The following TXNRD2 variants were observed in gnomAD, a reference collection of about 807,000 sequenced individuals.
TXNRD2 encodes thioredoxin reductase 2, mitochondrial.
Under a neutral mutation model 70.8 loss-of-function variants are expected in TXNRD2, and 67 were observed. That is an observed-to-expected ratio of 0.95 (90% confidence interval 0.78 to 1.16). The LOEUF (loss-of-function observed/expected upper bound fraction) is 1.16. Ranked by LOEUF, TXNRD2 falls within the 50% of genes most tolerant of loss-of-function variation. TXNRD2 has a pLI of 0.00. For missense variants in TXNRD2, 644 were observed against 719.9 expected (o/e 0.89, Z 1.21); for synonymous variants, 301 against 295.8 (o/e 1.02, Z -0.18).
At chr22:19,929,918 G>A (rs115871532) in intron 2 of TXNRD2, among the ~76,000 whole-genome samples, 82 of 152,268 alleles carry the variant, frequency 5.4e-4, no homozygotes, top group African/African-American at 1.8e-3. Context: ...CATGAAAGGC[G>A]GAGACATACC....
intron 9 of TXNRD2, 53 bp downstream of exon 9, chr22:19,898,996 G>A: frequency 6.2e-7 from 1 of 1,601,862 alleles, no homozygotes; most frequent in Non-Finnish European, 8.5e-7. Context: ...AGGGACTCAA[G>A]GGAAGGAGTG....
chr22:19,880,768 G>T, intron 12 of TXNRD2, 51 bp from the exon 13 acceptor site: 1 of 1,356,526 alleles, frequency 7.4e-7, no homozygotes, highest in Non-Finnish European at 1.0e-6. Flanking sequence ...GGGGTTATAT[G>T]CAGCCCCTAT....
chr22:19,929,776 A>G (rs1407305969), intron 2 of TXNRD2, among the ~76,000 whole-genome samples: 3 of 152,162 alleles, frequency 2.0e-5, no homozygotes, highest in Admixed American at 1.3e-4. Context: ...CACACTCGCC[A>G]ATCTTGACTG....
chr22:19,936,001 C>T (rs527898362), intron 1 of TXNRD2, among the ~76,000 whole-genome samples: 18 of 152,150 alleles, frequency 1.2e-4, no homozygotes, highest in East Asian at 1.9e-4. Context: ...TGGGGGAGTT[C>T]GGGTTCCCAT....
intron 7 of TXNRD2, among the ~76,000 whole-genome samples, chr22:19,913,810 T>C (rs1042261587): frequency 6.6e-6 from 1 of 151,320 alleles, no homozygotes; most frequent in African/African-American, 2.5e-5. Context: ...GCCTGTTGAG[T>C]GTGGAAGGCA....
At chr22:19,890,486 G>A (rs9617844) in intron 11 of TXNRD2, among the ~76,000 whole-genome samples, 3,925 of 152,232 alleles carry the variant, frequency 0.026, 167 homozygotes, top group African/African-American at 0.088. Flanking sequence ...CATCCCCACC[G>A]GGAAGAGCAT....
chr22:19,893,263 C>T lies in TXNRD2; in HGVS notation c.949+2144G>A, dbSNP rs537414704. 1.1e-4 allele frequency among the ~76,000 whole-genome samples: 17 copies of T among 152,266 alleles called. 2 individuals carry two copies. The South Asian group carries it at 3.3e-3, about 30-fold the overall frequency. On this transcript the variant is annotated intron_variant, in intron 11 of 17. Coordinates refer to ENST00000400521, the MANE Select transcript of TXNRD2 (RefSeq NM_006440.5). ...GACCCTGGCTCTGATCTTGGGCTCT[C>T]GCAGGGGACAACGGACCAGGCTCAG...
Position 19,918,875 on chromosome 22 carries a change from G to C in TXNRD2, c.359C>G (p.Pro120Arg). 1 of 1,609,960 alleles carries C rather than the reference G, an allele frequency of 6.2e-7. No homozygotes were observed. Among genetic ancestry groups the C allele is most frequent in the Non-Finnish European group, 8.5e-7 (1 of 1,179,872 alleles). ...APNYGWEVAQ[P>R]VPHDWRKMAE... ...AGATCCTTACCAGTCATGCGGCACGGGCTGGGCCACCTCCCAGCCATAGTT... is the reference window on the plus strand; with the variant it reads ...AGATCCTTACCAGTCATGCGGCACGCGCTGGGCCACCTCCCAGCCATAGTT... Residue 120 changes from proline to arginine, a missense_variant, in exon 4 of 18, where the codon CCC becomes CGC. Transcript: ENST00000400521.
chr22:19,928,760 A>C (rs1003487164), intron 2 of TXNRD2, among the ~76,000 whole-genome samples: 1 of 152,158 alleles, frequency 6.6e-6, no homozygotes, highest in Non-Finnish European at 1.5e-5. Flanking sequence ...TAATCCCAGA[A>C]CTTTGGGAGG....
chr22:19,909,764 C>A (rs1940275313), intron 8 of TXNRD2, among the ~76,000 whole-genome samples: 1 of 128,828 alleles, frequency 7.8e-6, no homozygotes, highest in Admixed American at 7.8e-5. Context: ...ACACCCTTCA[C>A]ACACACACAC....
chr22:19,915,649 T>G, intron 6 of TXNRD2, 116 bp downstream of exon 6: 1 of 951,924 alleles, frequency 1.1e-6, no homozygotes, highest in Non-Finnish European at 1.7e-6. Flanking sequence ...GCCACCTTTT[T>G]GATTCCAGCA....
chr22:19,884,036 C>T (rs1938913039), intron 11 of TXNRD2: 2 of 154,904 alleles, frequency 1.3e-5, no homozygotes, highest in Admixed American at 1.3e-4. Context: ...CACCCGTAAT[C>T]CCAGCTACTT....
In TXNRD2 at chr22:19,927,996, G is replaced by A. The variant is rs995189138; in HGVS notation, c.172+3034C>T. 3.9e-5 allele frequency among the ~76,000 whole-genome samples: 6 copies of A among 152,122 alleles called. No individual in the cohort carries two copies. The East Asian group carries it at 9.7e-4, about 25-fold the overall frequency. ...CATTGAAAACCACAGGCCAGGCACC[G>A]TGGCTCATTCCTGTAATCCCAACGT... On this transcript the variant is annotated intron_variant, in intron 2 of 17. Transcript: ENST00000400521.
chr22:19,922,075 C>T (rs1940939209), intron 2 of TXNRD2, among the ~76,000 whole-genome samples: 1 of 152,056 alleles, frequency 6.6e-6, no homozygotes, highest in African/African-American at 2.4e-5. Context: ...ATGCCCAGAA[C>T]CCAACAAGGT....
At chr22:19,880,561 A>G in intron 13 of TXNRD2, 61 bp downstream of exon 13, 2 of 1,502,794 alleles carry the variant, frequency 1.3e-6, no homozygotes, top group Non-Finnish European at 1.9e-6. Context: ...TCACCCCAGA[A>G]GAGCTAGCCT....
chr22:19,892,812 T>C (rs1433480486), intron 11 of TXNRD2, among the ~76,000 whole-genome samples: 1 of 152,102 alleles, frequency 6.6e-6, no homozygotes, highest in Non-Finnish European at 1.5e-5. Context: ...GGATAAATTT[T>C]GAAAGAAAAA....
intron 17 of TXNRD2, 184 bp downstream of exon 17, chr22:19,876,856 T>G (rs146287781): frequency 7.3e-6 from 3 of 412,438 alleles, no homozygotes; most frequent in Middle Eastern, 6.5e-4. Context: ...CCGGGGAGGT[T>G]TGGGCCCCTG....
In TXNRD2 at chr22:19,898,104, G is replaced by A. The variant is rs1007360232; in HGVS notation, c.709C>T (p.Leu237Phe). 1.3e-6 allele frequency: 2 copies of A among 1,566,674 alleles called. No homozygotes were observed. The highest frequency in any genetic ancestry group is 1.4e-5 in the African/African-American group (1 of 73,668). The change falls in exon 10 of 18, where the codon CTC (leucine) becomes TTC (phenylalanine). Residue 237 changes from leucine (L) to phenylalanine (F), a missense_variant. Leu to Phe is a conservative substitution (Grantham distance 22). Coordinates refer to ENST00000400521, the MANE Select transcript of TXNRD2 (RefSeq NM_006440.5). ...SYVALECAGF[L>F]TGIGLDTTIM... ...GTGGTGTCCAGCCCAATCCCGGTGAGGAAGCCAGCACACTCCAGGGCCACA... is the reference window on the plus strand; with the variant it reads ...GTGGTGTCCAGCCCAATCCCGGTGAAGAAGCCAGCACACTCCAGGGCCACA...
chr22:19,881,332 T>A (rs1938764888), intron 12 of TXNRD2: 1 of 365,222 alleles, frequency 2.7e-6, no homozygotes. Context: ...TGCATAGAGA[T>A]CCGTGGAGAT....
Sources: allele counts gnomAD v4.1 joint callset (sites outside exome capture counted in the v4.1 genomes callset), GRCh38; gene constraint gnomAD v4.1.1; transcripts MANE v1.5; gene names NCBI Gene and HGNC (gene_info 2026-07-23, HGNC 2026-07-21).